Variants in DEUP1 observed in about 807,000 individuals in gnomAD.
The protein encoded by DEUP1 is coiled-coil domain containing 67.
A neutral mutation model predicts 87.4 loss-of-function variants in DEUP1; 82 were observed. The ratio of observed to expected loss-of-function variants is 0.94; its 90% CI spans 0.78 to 1.13. The LOEUF (loss-of-function observed/expected upper bound fraction) is 1.13. DEUP1 is among the 50% of genes most tolerant of loss of function. DEUP1 has a pLI of 0.00. For synonymous variants in DEUP1, 214 were observed against 222.7 expected, an observed-to-expected ratio of 0.96 and a Z score of 0.35; for missense variants, 663 against 681.5, an observed-to-expected ratio of 0.97 and a Z score of 0.30.
At chr11:93,393,066 C>T (rs1946820320) in intron 9 of DEUP1, among the ~76,000 whole-genome samples, 1 of 140,496 alleles carries the variant, frequency 7.1e-6, no homozygotes. Context: ...CCTCCTCCTC[C>T]TTCTTCTTCT....
At chr11:93,347,840 C>T (rs1451209067) in intron 2 of DEUP1, among the ~76,000 whole-genome samples, 7 of 152,068 alleles carry the variant, frequency 4.6e-5, no homozygotes, top group Admixed American at 1.3e-4. Flanking sequence ...CCCAGGTTCA[C>T]GCCATTCTCC....
intron 13 of DEUP1, among the ~76,000 whole-genome samples, chr11:93,436,693 A>G (rs1475064299): frequency 6.6e-6 from 1 of 152,052 alleles, no homozygotes; most frequent in Non-Finnish European, 1.5e-5. Flanking sequence ...CAGATTGTCG[A>G]CTCCCCAAAC....
intron 13 of DEUP1, among the ~76,000 whole-genome samples, chr11:93,417,709 G>C (rs1179802399): frequency 6.9e-6 from 1 of 145,244 alleles, no homozygotes. Flanking sequence ...CCAAAAAAGA[G>C]CCCTCATCGC....
At chr11:93,361,773 C>T (rs1207134338) in intron 4 of DEUP1, among the ~76,000 whole-genome samples, 2 of 152,080 alleles carry the variant, frequency 1.3e-5, no homozygotes, top group Admixed American at 6.5e-5. Flanking sequence ...TAAGCCTTGA[C>T]ATATCAATAA....
At chr11:93,382,274 G>T (rs1946336491) in intron 7 of DEUP1, among the ~76,000 whole-genome samples, 1 of 152,104 alleles carries the variant, frequency 6.6e-6, no homozygotes, top group Non-Finnish European at 1.5e-5. Context: ...AACAATTTTA[G>T]ATTTATCAAT....
rs977603091 is a variant in DEUP1, at chr11:93,389,082, C to T, written c.998C>T (p.Ser333Leu). 12 of 1,602,892 alleles carry T rather than the reference C, an allele frequency of 7.5e-6. No individual in the cohort carries two copies. The African/African-American group carries it at 1.2e-4, about 16-fold the overall frequency. The change falls in exon 9 of 14, where the codon TCA (serine) becomes TTA (leucine). Residue 333 changes from serine (S) to leucine (L), a missense_variant. Coordinates refer to ENST00000298050, the MANE Select transcript of DEUP1 (RefSeq NM_181645.4). ...GAAAGGAAAATAAAAGAGCTGTTTT[C>T]AGTGATGCAAGATCAACCAAATCAT... ...EPERKIKELF[S>L]VMQDQPNHEK...
At chr11:93,404,392 T>A (rs759353009) in intron 11 of DEUP1, among the ~76,000 whole-genome samples, 4 of 152,102 alleles carry the variant, frequency 2.6e-5, no homozygotes, top group South Asian at 4.1e-4. Context: ...TAATTAGAAC[T>A]CAGAATCTGT....
Position 93,396,324 on chromosome 11 carries a change from T to G in DEUP1, c.1325T>G (p.Met442Arg). ...GGAGATTTAGACCCCGGAGAATACA[T>G]GGTAATATGCTGACATCATTCAATA... The part of the protein sequence containing the change: ...MMGDLDPGEY[M>R]SMDFTNREQS... The change falls in exon 11 of 14, where the codon ATG (methionine) becomes AGG (arginine). Residue 442 changes from methionine to arginine, a missense_variant and splice_region_variant. Transcript: ENST00000298050. 2 of 1,522,836 alleles carry G rather than the reference T, an allele frequency of 1.3e-6. No individual in the cohort carries two copies. The highest frequency in any genetic ancestry group is 1.2e-5 in the South Asian group (1 of 82,068). The allele number at this position is 1,522,836 out of a possible 1,614,324, so 94.3% of individuals were successfully genotyped here.
In DEUP1 at chr11:93,435,889, G is replaced by A. The variant is rs562926693; in HGVS notation, c.1639-1654G>A. Among the ~76,000 whole-genome samples the A allele has an allele frequency of 5.3e-5, 8 of 152,002 alleles. No homozygotes were observed. The South Asian group carries it at 8.3e-4, about 16-fold the overall frequency. ...CGGGCGCCTGTAGTCCCAGCTACTCGGGAGGCTGAGGCAGGAGAATGGCGT... is the reference window on the plus strand; with the variant it reads ...CGGGCGCCTGTAGTCCCAGCTACTCAGGAGGCTGAGGCAGGAGAATGGCGT... On this transcript the variant is annotated intron_variant, in intron 13 of 13. Coordinates refer to ENST00000298050, the MANE Select transcript of DEUP1 (RefSeq NM_181645.4).
intron 12 of DEUP1, among the ~76,000 whole-genome samples, chr11:93,412,781 T>C (rs1005258102): frequency 2.6e-5 from 4 of 152,184 alleles, no homozygotes; most frequent in Non-Finnish European, 2.9e-5. Flanking sequence ...TATGCAGATA[T>C]ACTATGCAAA....
intron 2 of DEUP1, among the ~76,000 whole-genome samples, chr11:93,348,164 G>A (rs1223664291): frequency 6.6e-6 from 1 of 152,148 alleles, no homozygotes; most frequent in Non-Finnish European, 1.5e-5. Context: ...ACGGTTATTT[G>A]TATTTCTGTG....
chr11:93,435,266 C>G (rs776833305), intron 13 of DEUP1, among the ~76,000 whole-genome samples: 16 of 152,024 alleles, frequency 1.1e-4, no homozygotes, highest in Non-Finnish European at 1.9e-4. Context: ...ATCAAGAGCT[C>G]AGCTTTGGTT....
At chr11:93,388,992 T>A (rs766402035) in intron 8 of DEUP1, 28 bp from the exon 9 acceptor site, 1 of 1,208,276 alleles carries the variant, frequency 8.3e-7, no homozygotes, top group Admixed American at 2.2e-5. Context: ...AGCTTAATTT[T>A]AATCATTATT....
intron 13 of DEUP1, among the ~76,000 whole-genome samples, chr11:93,429,518 C>G (rs1040645568): frequency 6.6e-6 from 1 of 152,130 alleles, no homozygotes; most frequent in Non-Finnish European, 1.5e-5. Context: ...AGTGTCCGCT[C>G]AAATATCACC....
At chr11:93,339,593 T>C (rs937656194) in intron 2 of DEUP1, among the ~76,000 whole-genome samples, 1 of 152,154 alleles carries the variant, frequency 6.6e-6, no homozygotes. Context: ...GCATAATTGG[T>C]GCAATGGCCC....
chr11:93,385,261 A>G, intron 7 of DEUP1, 137 bp from the exon 8 acceptor site: 1 of 796,320 alleles, frequency 1.3e-6, no homozygotes, highest in Non-Finnish European at 2.0e-6. Flanking sequence ...ATGGAATTCT[A>G]TGAGACAGAA....
At chr11:93,413,940 C>A (rs1251444355) in intron 12 of DEUP1, among the ~76,000 whole-genome samples, 1 of 151,986 alleles carries the variant, frequency 6.6e-6, no homozygotes, top group Non-Finnish European at 1.5e-5. Context: ...TAGTATCCAG[C>A]GTATTAGGGT....
intron 4 of DEUP1, among the ~76,000 whole-genome samples, chr11:93,363,323 T>C (rs972289094): frequency 6.6e-6 from 1 of 151,880 alleles, no homozygotes; most frequent in Non-Finnish European, 1.5e-5. Context: ...GATAAATCTA[T>C]ATATGTGATA....
At chr11:93,371,419 T>C in intron 7 of DEUP1, 139 bp downstream of exon 7, 1 of 971,988 alleles carries the variant, frequency 1.0e-6, no homozygotes. Context: ...CTCTTAGTAA[T>C]TCGCACTTGA....
Sources: gnomAD v4.1 joint callset for allele counts (sites outside exome capture counted in the v4.1 genomes callset) on GRCh38, gnomAD v4.1.1 for gene constraint, MANE v1.5 for transcripts, NCBI Gene and HGNC (gene_info 2026-07-23, HGNC 2026-07-21) for gene names.